CSMD3: variants seen among roughly 807,000 people sequenced by gnomAD.
CSMD3 encodes the protein CUB and Sushi multiple domains 3.
A neutral mutation model predicts 435.2 loss-of-function variants in CSMD3; 177 were observed. The observed-to-expected ratio is 0.41, with a 90% CI of 0.36 to 0.46. The LOEUF is 0.46. Ranked by LOEUF, CSMD3 falls within the 20% of genes least tolerant of loss-of-function variation. CSMD3 has a pLI of 0.34. For synonymous variants in CSMD3, 1,656 were observed against 1,520.5 expected (o/e 1.09, Z -2.07); for missense variants, 4,265 against 4,504.6 (o/e 0.95, Z 1.52).
Position 112,529,397 on chromosome 8 carries a change from GA to G in CSMD3, c.4565-12173del, listed in dbSNP as rs1825304398. On this transcript the variant is annotated intron_variant, in intron 27 of 70. Transcript: ENST00000297405. ...GAGTTCAGGAGTTTGAGACCAGCCTGAACATCATGGCAAAACCACAACCCTA... is the reference window on the plus strand; with the variant it reads ...GAGTTCAGGAGTTTGAGACCAGCCTGACATCATGGCAAAACCACAACCCTA... Among the ~76,000 whole-genome samples, 4 of 152,194 alleles carry G rather than the reference GA, an allele frequency of 2.6e-5. No homozygotes were observed. In the South Asian group the frequency reaches 8.3e-4, roughly 32 times the overall value.
At chr8:112,714,357 A>AT (rs2076677817) in intron 13 of CSMD3, among the ~76,000 whole-genome samples, 2 of 152,220 alleles carry the variant, frequency 1.3e-5, no homozygotes, top group African/African-American at 4.8e-5. Context: ...AAAGGGATCA[A>AT]TTCAATATGA....
chr8:112,428,808 C>T (rs931563222), intron 32 of CSMD3, among the ~76,000 whole-genome samples: 2 of 152,114 alleles, frequency 1.3e-5, no homozygotes, highest in African/African-American at 2.4e-5. Flanking sequence ...TTCCACCCTA[C>T]CATGTTCATA....
chr8:113,208,908 A>T (rs1205055244), intron 3 of CSMD3, among the ~76,000 whole-genome samples: 2 of 152,110 alleles, frequency 1.3e-5, no homozygotes, highest in Non-Finnish European at 2.9e-5. Context: ...TATCAATGAG[A>T]GCAAAATATT....
chr8:112,324,666 G>T (rs1045783498), intron 45 of CSMD3, among the ~76,000 whole-genome samples: 1 of 151,710 alleles, frequency 6.6e-6, no homozygotes, highest in Non-Finnish European at 1.5e-5. Context: ...AAAAATCAGG[G>T]GCTAAATCAG....
chr8:112,782,119 T>C (rs1485966131), intron 13 of CSMD3, among the ~76,000 whole-genome samples: 1 of 152,100 alleles, frequency 6.6e-6, no homozygotes, highest in Non-Finnish European at 1.5e-5. Flanking sequence ...TGACCAATCC[T>C]GTAGTGAAAG....
At chr8:112,375,283 TTG>T (rs1828835965) in intron 38 of CSMD3, among the ~76,000 whole-genome samples, 2 of 152,296 alleles carry the variant, frequency 1.3e-5, no homozygotes, top group African/African-American at 4.8e-5. Flanking sequence ...GAAAAGAGAT[TTG>T]TCTCATTCAT....
chr8:112,641,123 C>T (rs1243068699), intron 20 of CSMD3, among the ~76,000 whole-genome samples: 2 of 152,074 alleles, frequency 1.3e-5, no homozygotes, highest in African/African-American at 4.8e-5. Context: ...CAGTGACTGG[C>T]ACAGAAAGCG....
intron 37 of CSMD3, among the ~76,000 whole-genome samples, chr8:112,382,929 T>G (rs1586939285): frequency 6.6e-6 from 1 of 152,188 alleles, no homozygotes; most frequent in Non-Finnish European, 1.5e-5. Context: ...AGGCAGAGGT[T>G]GCAGTGAGCT....
chr8:112,699,703 T>C (rs149093715), intron 13 of CSMD3, among the ~76,000 whole-genome samples: 1 of 152,208 alleles, frequency 6.6e-6, no homozygotes, highest in African/African-American at 2.4e-5. Context: ...TGTGATGTCC[T>C]GAGAGGCGAG....
intron 32 of CSMD3, among the ~76,000 whole-genome samples, chr8:112,452,547 G>A (rs537633102): frequency 6.6e-6 from 1 of 152,138 alleles, no homozygotes. Flanking sequence ...TTTAATCTAA[G>A]AGATGTAACT....
chr8:112,421,857 C>G (rs73702804), intron 32 of CSMD3, among the ~76,000 whole-genome samples: 2,649 of 151,822 alleles, frequency 0.017, 80 homozygotes, highest in African/African-American at 0.06. Context: ...TAAACCCTTA[C>G]TATATGTAAT....
chr8:112,493,143 C>A (rs1820873430), intron 30 of CSMD3, among the ~76,000 whole-genome samples: 1 of 152,036 alleles, frequency 6.6e-6, no homozygotes, highest in Non-Finnish European at 1.5e-5. Flanking sequence ...TTGTGCATAT[C>A]TGACAAATTG....
At chr8:113,017,077 C>A (rs1289487292) in intron 6 of CSMD3, among the ~76,000 whole-genome samples, 3 of 151,848 alleles carry the variant, frequency 2.0e-5, no homozygotes, top group Non-Finnish European at 4.4e-5. Context: ...TTTTCTTAAC[C>A]ACTGCATTTC....
intron 4 of CSMD3, among the ~76,000 whole-genome samples, chr8:113,145,755 G>A (rs1021515974): frequency 6.6e-6 from 1 of 151,550 alleles, no homozygotes; most frequent in Non-Finnish European, 1.5e-5. Flanking sequence ...ATTGGTACAT[G>A]ACACAGAGGA....
At chr8:112,494,556 T>TTTC (rs1563615668) in intron 30 of CSMD3, among the ~76,000 whole-genome samples, 1 of 136,380 alleles carries the variant, frequency 7.3e-6, no homozygotes, top group African/African-American at 2.7e-5. Flanking sequence ...TCTTTCTTTC[T>TTTC]TTCTTTCTTT....
At chr8:113,376,577 TA>T in intron 1 of CSMD3, 5 of 709,952 alleles carry the variant, frequency 7.0e-6, no homozygotes, top group Non-Finnish European at 1.2e-5. Flanking sequence ...AACTAATATA[TA>T]AAAAAATTGA....
At chr8:113,145,649 C>T (rs1317562375) in intron 4 of CSMD3, among the ~76,000 whole-genome samples, 10 of 151,482 alleles carry the variant, frequency 6.6e-5, no homozygotes, top group African/African-American at 2.4e-4. Context: ...TTAATAATAT[C>T]TTATTGAAAT....
intron 5 of CSMD3, among the ~76,000 whole-genome samples, chr8:113,037,711 A>G (rs2087421646): frequency 6.6e-6 from 1 of 152,260 alleles, no homozygotes; most frequent in South Asian, 2.1e-4. Flanking sequence ...ATCAAACCCC[A>G]AACTCCAAGA....
Position 112,310,823 on chromosome 8 carries a change from C to T in CSMD3, c.7885+155G>A, listed in dbSNP as rs182040679. The T allele has an allele frequency of 4.3e-5, 31 of 720,000 alleles. No homozygotes were observed. The East Asian group carries it at 7.5e-4, about 17-fold the overall frequency. 44.6% of individuals were successfully genotyped at this position (720,000 alleles called of 1,614,324 possible). ...TATGTTTCTTTCCCCTGGAATTTAT[C>T]ATTCTGCAATGTTATGCCTTGTTTT... On this transcript the variant is annotated intron_variant, in intron 50 of 70. Transcript: ENST00000297405.
Sources: gnomAD v4.1 joint callset for allele counts (sites outside exome capture counted in the v4.1 genomes callset) on GRCh38, gnomAD v4.1.1 for gene constraint, MANE v1.5 for transcripts, NCBI Gene and HGNC (gene_info 2026-07-23, HGNC 2026-07-21) for gene names.